The following EYS variants were observed in gnomAD, a reference collection of about 807,000 sequenced individuals.
EYS encodes the protein EGF-like photoreceptor maintenance factor.
EYS carries 250 observed loss-of-function variants against 282.1 expected under a neutral mutation model. That is an observed-to-expected ratio of 0.89 (90% CI 0.80 to 0.98). The LOEUF (loss-of-function observed/expected upper bound fraction) is 0.98. Among genes scored for constraint, EYS ranks in the 50% least tolerant of loss-of-function variants. The pLI is 0.00. For synonymous variants in EYS, 1,355 were observed against 1,282.9 expected (o/e 1.06, Z -1.20); for missense variants, 4,016 against 3,709.0 (o/e 1.08, Z -2.15).
intron 19 of EYS, among the ~76,000 whole-genome samples, chr6:64,877,905 G>A (rs1033355481): frequency 4.6e-5 from 7 of 152,088 alleles, no homozygotes; most frequent in Non-Finnish European, 7.3e-5. Flanking sequence ...AATAATTTAT[G>A]CTGGAGAAAA....
At chr6:64,899,086 G>A (rs1215083300) in intron 18 of EYS, among the ~76,000 whole-genome samples, 6 of 151,934 alleles carry the variant, frequency 3.9e-5, no homozygotes, top group South Asian at 2.1e-4. Flanking sequence ...GGACTTGAAC[G>A]CAACTCTGGA....
At chr6:65,309,677 G>A (rs564765708) in intron 11 of EYS, among the ~76,000 whole-genome samples, 1 of 152,232 alleles carries the variant, frequency 6.6e-6, no homozygotes, top group Non-Finnish European at 1.5e-5. Flanking sequence ...GTGTGATTAT[G>A]GGAATGTGTT....
chr6:65,169,106 A>G (rs1765043665), intron 12 of EYS, among the ~76,000 whole-genome samples: 1 of 151,502 alleles, frequency 6.6e-6, no homozygotes, highest in Non-Finnish European at 1.5e-5. Flanking sequence ...TATGTGACTG[A>G]GTCCAAGAAG....
chr6:63,875,580 C>T (rs188664450), intron 35 of EYS, among the ~76,000 whole-genome samples: 7 of 152,106 alleles, frequency 4.6e-5, no homozygotes, highest in East Asian at 3.9e-4. Flanking sequence ...GGTAGAATTC[C>T]GTTGTGATTC....
intron 36 of EYS, among the ~76,000 whole-genome samples, chr6:63,862,042 C>G (rs1373626391): frequency 6.6e-6 from 1 of 152,134 alleles, no homozygotes; most frequent in Non-Finnish European, 1.5e-5. Context: ...ATTTCCAAAC[C>G]TTCTACCTGG....
chr6:65,615,195 T>A (rs1238065597), intron 2 of EYS, among the ~76,000 whole-genome samples: 1 of 152,128 alleles, frequency 6.6e-6, no homozygotes, highest in East Asian at 1.9e-4. Flanking sequence ...ATTTTTAATT[T>A]TACATCTACA....
intron 12 of EYS, among the ~76,000 whole-genome samples, chr6:65,242,859 T>C (rs980234376): frequency 6.6e-6 from 1 of 152,134 alleles, no homozygotes; most frequent in Non-Finnish European, 1.5e-5. Context: ...TATTTTTTTT[T>C]AAATGACTAA....
chr6:65,623,691 ATT>A (rs1766601484), intron 2 of EYS, among the ~76,000 whole-genome samples: 1 of 152,234 alleles, frequency 6.6e-6, no homozygotes. Flanking sequence ...CATATGAATC[ATT>A]GTTAAATAAA....
At chr6:63,782,212 T>C (rs1271969373) in intron 39 of EYS, among the ~76,000 whole-genome samples, 1 of 152,200 alleles carries the variant, frequency 6.6e-6, no homozygotes, top group Non-Finnish European at 1.5e-5. Context: ...TAAAATTCTC[T>C]TTTTGTGTTG....
intron 26 of EYS, among the ~76,000 whole-genome samples, chr6:64,544,930 C>A (rs1319612901): frequency 1.3e-5 from 2 of 152,276 alleles, no homozygotes; most frequent in South Asian, 4.1e-4. Flanking sequence ...CAGCCAAATT[C>A]TACCAGAGGT....
At chr6:64,232,261 C>T (rs1766444622) in intron 30 of EYS, among the ~76,000 whole-genome samples, 1 of 152,068 alleles carries the variant, frequency 6.6e-6, no homozygotes, top group Non-Finnish European at 1.5e-5. Flanking sequence ...GGGATGACTT[C>T]TGTGCTTTTC....
intron 28 of EYS, among the ~76,000 whole-genome samples, chr6:64,413,079 T>C (rs750287868): frequency 1.3e-5 from 2 of 152,150 alleles, no homozygotes; most frequent in African/African-American, 2.4e-5. Context: ...TGGATACTAG[T>C]TGAAGCTTAT....
chr6:64,346,031 T>A (rs1164856511), intron 29 of EYS, among the ~76,000 whole-genome samples: 1 of 151,980 alleles, frequency 6.6e-6, no homozygotes, highest in African/African-American at 2.4e-5. Flanking sequence ...AGAATGGTGA[T>A]CATTAAAAAG....
rs149728046 is a variant in EYS at position 65,073,735 on chromosome 6, A to C, written c.2024-16008T>G. Among the ~76,000 whole-genome samples, 935 of 151,990 alleles carry C rather than the reference A, an allele frequency of 6.2e-3. 12 individuals are homozygous for C. The highest frequency in any genetic ancestry group is 0.021 in the African/African-American group (878 of 41,496). On this transcript the variant is annotated intron_variant, in intron 12 of 42. Coordinates refer to ENST00000503581, the MANE Select transcript of EYS (RefSeq NM_001142800.2). Reference sequence around the variant, plus strand: ...AGACTAGACTTTTATTATGGAAGAAAGGATATACAAATATTATGCAGAAGA... The same window carrying C: ...AGACTAGACTTTTATTATGGAAGAACGGATATACAAATATTATGCAGAAGA...
At chr6:65,171,875 T>C (rs565091731) in intron 12 of EYS, among the ~76,000 whole-genome samples, 8 of 151,714 alleles carry the variant, frequency 5.3e-5, no homozygotes, top group African/African-American at 1.4e-4. Flanking sequence ...TTGTATTTTA[T>C]TTAATTAAAA....
intron 13 of EYS, among the ~76,000 whole-genome samples, chr6:65,014,212 A>T (rs1471681130): frequency 6.6e-6 from 1 of 152,200 alleles, no homozygotes; most frequent in Non-Finnish European, 1.5e-5. Context: ...AAATTTTACC[A>T]ACAGCCAGTG....
chr6:63,727,725 A>ATATATAT (rs1172717557), intron 41 of EYS, among the ~76,000 whole-genome samples: 2 of 62,694 alleles, frequency 3.2e-5, no homozygotes, highest in Admixed American at 1.8e-4. Flanking sequence ...AAAAAAAAAA[A>ATATATAT]AAAAAAAAAA....
intron 31 of EYS, among the ~76,000 whole-genome samples, chr6:64,124,910 T>C (rs749951201): frequency 3.3e-4 from 50 of 152,332 alleles, no homozygotes; most frequent in Admixed American, 7.2e-4. Flanking sequence ...TCCTGAGTAG[T>C]ATTTGGGTTT....
intron 35 of EYS, among the ~76,000 whole-genome samples, chr6:63,905,659 A>G (rs115525059): frequency 0.017 from 2,600 of 152,278 alleles, 60 homozygotes; most frequent in African/African-American, 0.059. Context: ...GTAAAATTTA[A>G]TAGAATGACT....
Sources: allele counts gnomAD v4.1 joint callset (sites outside exome capture counted in the v4.1 genomes callset), GRCh38; gene constraint gnomAD v4.1.1; transcripts MANE v1.5; gene names NCBI Gene and HGNC (gene_info 2026-07-23, HGNC 2026-07-21).